The following GRID1 variants were observed in gnomAD, a reference collection of about 807,000 sequenced individuals.
GRID1 encodes glutamate receptor ionotropic, delta-1.
Under a neutral mutation model 98.0 loss-of-function variants are expected in GRID1, and 28 were observed. That is an observed-to-expected ratio of 0.29 (90% CI 0.21 to 0.39). GRID1 has a LOEUF of 0.39. GRID1 is among the 10% of genes least tolerant of loss of function. The pLI, the probability that GRID1 is intolerant of heterozygous loss-of-function variation, is 1.00. For synonymous variants in GRID1, 553 were observed against 538.5 expected, an observed-to-expected ratio of 1.03 and a Z score of -0.37; for missense variants, 1,111 against 1,340.5, an observed-to-expected ratio of 0.83 and a Z score of 2.67.
intron 3 of GRID1, among the ~76,000 whole-genome samples, chr10:86,191,402 G>C (rs1845800870): frequency 6.6e-6 from 1 of 152,074 alleles, no homozygotes; most frequent in Admixed American, 6.5e-5. Flanking sequence ...GGTGTGACTG[G>C]GACACATTCA....
intron 2 of GRID1, among the ~76,000 whole-genome samples, chr10:86,334,272 G>A (rs560863530): frequency 9.2e-5 from 14 of 152,184 alleles, no homozygotes; most frequent in South Asian, 2.1e-4. Context: ...AAAATAACAC[G>A]TTCCATCTCC....
intron 8 of GRID1, among the ~76,000 whole-genome samples, chr10:85,850,800 T>C (rs559147273): frequency 6.6e-6 from 1 of 152,286 alleles, no homozygotes; most frequent in South Asian, 2.1e-4. Flanking sequence ...ATTAGGCTCA[T>C]ATTACCTGTA....
intron 2 of GRID1, among the ~76,000 whole-genome samples, chr10:86,274,659 T>G (rs1208652819): frequency 1.3e-5 from 2 of 152,088 alleles, no homozygotes; most frequent in African/African-American, 2.4e-5. Flanking sequence ...AGGTATTTTA[T>G]TCTCTTTGAA....
At chr10:85,920,614 C>T (rs1374967356) in intron 4 of GRID1, among the ~76,000 whole-genome samples, 1 of 152,240 alleles carries the variant, frequency 6.6e-6, no homozygotes. Flanking sequence ...CCACCACCTC[C>T]ATGTGCTCCC....
chr10:85,647,440 A>G (rs998999066), intron 12 of GRID1, 43 bp from the exon 13 acceptor site: 16 of 1,457,596 alleles, frequency 1.1e-5, no homozygotes, highest in Non-Finnish European at 1.5e-5. Context: ...CATGCTGTGC[A>G]TTGCACACTG....
intron 4 of GRID1, among the ~76,000 whole-genome samples, chr10:86,069,728 G>A (rs1212010453): frequency 6.6e-6 from 1 of 152,208 alleles, no homozygotes; most frequent in Non-Finnish European, 1.5e-5. Flanking sequence ...AGACCATGCT[G>A]AACCTTGTTT....
intron 8 of GRID1, among the ~76,000 whole-genome samples, chr10:85,846,988 C>G (rs1203861440): frequency 6.6e-6 from 1 of 152,190 alleles, no homozygotes; most frequent in Non-Finnish European, 1.5e-5. Context: ...CAATTTCTTT[C>G]CCATGTTATG....
In GRID1 at chr10:85,869,024, G is replaced by A. The variant is rs1843250216; in HGVS notation, c.937C>T (p.Leu313Phe). The A allele has an allele frequency of 1.9e-6, 3 of 1,613,652 alleles. No individual in the cohort carries two copies. Among genetic ancestry groups the A allele is most frequent in the East Asian group, 2.2e-5 (1 of 44,870 alleles). ...SLLCDPQEGY[L>F]QMLQISNLYL... ...TGAGCACTGACCTGCAGCATCTGGA[G>A]GTAGCCTTCCTGGGGGTCGCAGAGC... Residue 313 changes from leucine to phenylalanine, a missense_variant, in exon 6 of 16, where the codon CTC (leucine) becomes TTC (phenylalanine). Physicochemically the swap from Leu to Phe is conservative, Grantham distance 22. Around this residue, in one of 3 missense-constraint regions of GRID1, gnomAD observed 346 missense variants for 452.3 expected, o/e 0.76. Transcript: ENST00000327946.
intron 8 of GRID1, among the ~76,000 whole-genome samples, chr10:85,819,522 A>T (rs1455654763): frequency 1.3e-5 from 2 of 152,238 alleles, no homozygotes; most frequent in Non-Finnish European, 2.9e-5. Flanking sequence ...CAAGGTTAAC[A>T]TCATATGGAT....
intron 2 of GRID1, among the ~76,000 whole-genome samples, chr10:86,348,273 G>C (rs1174417757): frequency 6.6e-6 from 1 of 152,240 alleles, no homozygotes; most frequent in East Asian, 1.9e-4. Context: ...GGTGCTCACA[G>C]ACTTCAAAGG....
intron 4 of GRID1, among the ~76,000 whole-genome samples, chr10:86,071,497 A>G (rs1843804148): frequency 6.6e-6 from 1 of 152,238 alleles, no homozygotes; most frequent in African/African-American, 2.4e-5. Context: ...TCAGCAAATA[A>G]TAACTCAGAT....
intron 5 of GRID1, among the ~76,000 whole-genome samples, chr10:85,896,604 T>C (rs1404691834): frequency 1.3e-5 from 2 of 152,192 alleles, no homozygotes; most frequent in Admixed American, 6.5e-5. Context: ...AAAATAGAAG[T>C]AGACGTGATG....
At chr10:86,106,736 G>C (rs745493368) in intron 4 of GRID1, among the ~76,000 whole-genome samples, 10 of 152,118 alleles carry the variant, frequency 6.6e-5, no homozygotes, top group Non-Finnish European at 1.2e-4. Flanking sequence ...GAGGTGCACG[G>C]GCATGTCTAC....
chr10:86,180,384 C>A (rs981044550), intron 3 of GRID1, among the ~76,000 whole-genome samples: 1 of 152,082 alleles, frequency 6.6e-6, no homozygotes, highest in Non-Finnish European at 1.5e-5. Flanking sequence ...CTATATGATA[C>A]TCTGTAAGAA....
rs1362051657 is a variant in GRID1, at chr10:85,603,922, G to A, written c.2602-1221C>T. On this transcript the variant is annotated intron_variant, in intron 15 of 15. Transcript: ENST00000327946. ...GGAGTTAGAAATATTAAGAAATGTAGAAGCCCTGAATATGCCTTCAGAAGG... is the reference window on the plus strand; with the variant it reads ...GGAGTTAGAAATATTAAGAAATGTAAAAGCCCTGAATATGCCTTCAGAAGG... 2.0e-5 allele frequency among the ~76,000 whole-genome samples: 3 copies of A among 152,158 alleles called. No individual in the cohort carries two copies. In the East Asian group the frequency reaches 5.8e-4, roughly 29 times the overall value.
intron 12 of GRID1, among the ~76,000 whole-genome samples, chr10:85,690,031 CA>C (rs1414449990): frequency 1.3e-5 from 2 of 151,652 alleles, no homozygotes; most frequent in African/African-American, 2.4e-5. Context: ...TCAGATTTTC[CA>C]AAAAAGATAT....
intron 8 of GRID1, among the ~76,000 whole-genome samples, chr10:85,800,428 A>G (rs1842565312): frequency 6.6e-6 from 1 of 152,104 alleles, no homozygotes. Context: ...ATTGTTACAT[A>G]GAGAAAAATT....
intron 2 of GRID1, among the ~76,000 whole-genome samples, chr10:86,213,754 T>A (rs1339750091): frequency 6.7e-6 from 1 of 148,310 alleles, no homozygotes; most frequent in African/African-American, 2.6e-5. Context: ...CACCCACCCA[T>A]CTGCCTGAGT....
intron 4 of GRID1, among the ~76,000 whole-genome samples, chr10:86,038,771 G>C (rs755224996): frequency 2.0e-5 from 3 of 152,194 alleles, no homozygotes; most frequent in Non-Finnish European, 4.4e-5. Context: ...CTTTGTGCAT[G>C]TCTGTGAGGA....
Sources: gnomAD v4.1 joint callset for allele counts (sites outside exome capture counted in the v4.1 genomes callset) on GRCh38, gnomAD v4.1.1 for gene constraint, gnomAD v4.1.1 regional missense constraint, MANE v1.5 for transcripts, NCBI Gene and HGNC (gene_info 2026-07-23, HGNC 2026-07-21) for gene names.